Variants in PACRG observed in about 807,000 individuals in gnomAD.
PACRG encodes parkin coregulated, also known as parkin coregulated gene protein.
PACRG carries 29 observed loss-of-function variants against 29.7 expected under a neutral mutation model. The ratio of observed to expected loss-of-function variants is 0.98; its 90% CI spans 0.73 to 1.33. The LOEUF (loss-of-function observed/expected upper bound fraction) is 1.33. PACRG is among the 40% of genes most tolerant of loss of function. PACRG has a pLI of 0.00. For missense variants in PACRG, 279 were observed against 316.2 expected (o/e 0.88, Z 0.89); for synonymous variants, 116 against 118.7 (o/e 0.98, Z 0.15).
At position 162,851,985 on chromosome 6, in the gene PACRG, A is replaced by AAGGG. The variant is rs138868271; in HGVS notation, c.291+37724_291+37727dup. Among the ~76,000 whole-genome samples the AAGGG allele has an allele frequency of 9.6e-5, 11 of 114,022 alleles. No individual in the cohort carries two copies. The East Asian group carries it at 1.0e-3, about 10-fold the overall frequency. 74.8% of individuals were successfully genotyped at this position (114,022 alleles called of 152,430 possible). On this transcript the variant is annotated intron_variant, in intron 2 of 4. Transcript: ENST00000366888. ...GGAAGGAAGGGAAAAGAGAAAAGAAAAGGGAGGGAGGGAGGGAGGGAGGAA... is the reference window on the plus strand; with the variant it reads ...GGAAGGAAGGGAAAAGAGAAAAGAAAAGGGAGGGAGGGAGGGAGGGAGGGAGGAA...
intron 3 of PACRG, among the ~76,000 whole-genome samples, chr6:163,079,985 C>T (rs567615711): frequency 6.8e-6 from 1 of 148,052 alleles, no homozygotes; most frequent in South Asian, 2.2e-4. Flanking sequence ...GCAACCTCTG[C>T]CTCCCGGGTG....
intron 2 of PACRG, among the ~76,000 whole-genome samples, chr6:162,960,415 C>G (rs1397936839): frequency 6.6e-6 from 1 of 152,218 alleles, no homozygotes; most frequent in Admixed American, 6.5e-5. Flanking sequence ...CCACGGAATA[C>G]TACACAGCCT....
chr6:162,838,698 G>T (rs925775198), intron 2 of PACRG, among the ~76,000 whole-genome samples: 2 of 150,930 alleles, frequency 1.3e-5, no homozygotes, highest in African/African-American at 4.9e-5. Context: ...CCCACTAACT[G>T]GTCATCTAGC....
At chr6:162,797,269 A>G (rs1303663820) in intron 1 of PACRG, among the ~76,000 whole-genome samples, 1 of 152,210 alleles carries the variant, frequency 6.6e-6, no homozygotes, top group African/African-American at 2.4e-5. Context: ...CTCCATCTCA[A>G]AAACCAAACC....
intron 2 of PACRG, among the ~76,000 whole-genome samples, chr6:162,969,064 A>AAAAAAAAAAAT (rs1488687211): frequency 6.6e-6 from 1 of 151,376 alleles, no homozygotes; most frequent in African/African-American, 2.4e-5. Flanking sequence ...AAAAAAAAAA[A>AAAAAAAAAAAT]AAGTAACAGA....
chr6:163,092,975 C>T (rs1237851845), intron 4 of PACRG, among the ~76,000 whole-genome samples: 10 of 152,168 alleles, frequency 6.6e-5, no homozygotes, highest in Admixed American at 1.3e-4. Context: ...TGTGGCCTCC[C>T]GGTCTCACCA....
At chr6:162,892,664 C>T (rs1794851448) in intron 2 of PACRG, among the ~76,000 whole-genome samples, 2 of 152,136 alleles carry the variant, frequency 1.3e-5, no homozygotes, top group South Asian at 2.1e-4. Flanking sequence ...CTGAGAGCTC[C>T]GCCCCCTGAC....
At chr6:162,779,723 A>G (rs1783943619) in intron 1 of PACRG, among the ~76,000 whole-genome samples, 1 of 152,242 alleles carries the variant, frequency 6.6e-6, no homozygotes, top group Admixed American at 6.5e-5. Context: ...TGTCAATTCA[A>G]TAATGAATAC....
intron 2 of PACRG, among the ~76,000 whole-genome samples, chr6:162,830,530 C>T (rs1421439982): frequency 6.6e-6 from 1 of 152,226 alleles, no homozygotes; most frequent in Non-Finnish European, 1.5e-5. Context: ...TCCCCCTCTC[C>T]CCAGGGACAC....
chr6:163,164,550 A>G (rs187836495), intron 4 of PACRG, among the ~76,000 whole-genome samples: 16 of 152,354 alleles, frequency 1.1e-4, no homozygotes, highest in Admixed American at 8.5e-4. Flanking sequence ...GAAGCTGCAT[A>G]GGAGAGAGAG....
chr6:162,846,890 C>T (rs867463201), intron 2 of PACRG, among the ~76,000 whole-genome samples: 7 of 142,154 alleles, frequency 4.9e-5, no homozygotes, highest in African/African-American at 1.8e-4. Context: ...CCACACTGAC[C>T]ACTGTGCTCC....
chr6:162,977,971 C>T (rs1802093727), intron 2 of PACRG, among the ~76,000 whole-genome samples: 1 of 150,632 alleles, frequency 6.6e-6, no homozygotes, highest in African/African-American at 2.5e-5. Context: ...TGGGGAAACC[C>T]CATCTCTACT....
At chr6:162,852,426 G>A (rs994133003) in intron 2 of PACRG, among the ~76,000 whole-genome samples, 8 of 152,338 alleles carry the variant, frequency 5.3e-5, no homozygotes, top group African/African-American at 1.7e-4. Context: ...AGGCTAAGAC[G>A]CGCTTCTGTG....
upstream of PACRG, chr6:162,727,774 TCCCCGC>T (rs939345880): frequency 2.5e-6 from 3 of 1,207,344 alleles, no homozygotes; most frequent in African/African-American, 3.0e-5. Context: ...CCTCCAGGCC[TCCCCGC>T]CCCCGCGCCC....
intron 4 of PACRG, among the ~76,000 whole-genome samples, chr6:163,248,035 G>A (rs961447753): frequency 4.6e-5 from 7 of 151,408 alleles, no homozygotes; most frequent in African/African-American, 1.5e-4. Flanking sequence ...CCAAAGACTC[G>A]TTTTCCTATG....
Position 162,934,483 on chromosome 6 carries a change from G to A in PACRG, c.291+120202G>A, listed in dbSNP as rs958145422. Among the ~76,000 whole-genome samples, 3 of 152,040 alleles carry A rather than the reference G, an allele frequency of 2.0e-5. No homozygotes were observed. In the South Asian group the frequency reaches 6.2e-4, roughly 32 times the overall value. ...TCTCTTTCAGAAAGTCTGTTTCCTT[G>A]TAGGTGAAATTTCTTTTCAGCAGGA... On this transcript the variant is annotated intron_variant, in intron 2 of 4. Coordinates refer to ENST00000366888, the MANE Select transcript of PACRG (RefSeq NM_001080379.2).
intron 2 of PACRG, among the ~76,000 whole-genome samples, chr6:162,971,964 C>A (rs941079969): frequency 1.3e-5 from 2 of 152,174 alleles, no homozygotes; most frequent in Non-Finnish European, 2.9e-5. Context: ...GCAGTTTTCT[C>A]AGGAGACACC....
chr6:163,013,772 G>T (rs1039912406), intron 2 of PACRG, among the ~76,000 whole-genome samples: 1 of 151,954 alleles, frequency 6.6e-6, no homozygotes, highest in East Asian at 1.9e-4. Flanking sequence ...TTAAATAATT[G>T]CTGATAAAAT....
chr6:163,260,630 T>TC (rs1186490185), intron 4 of PACRG, among the ~76,000 whole-genome samples: 2 of 152,186 alleles, frequency 1.3e-5, no homozygotes, highest in Non-Finnish European at 2.9e-5. Flanking sequence ...CCTGTGGTCT[T>TC]CCCTGGGTAG....
Sources: gnomAD v4.1 joint callset for allele counts (sites outside exome capture counted in the v4.1 genomes callset) on GRCh38, gnomAD v4.1.1 for gene constraint, MANE v1.5 for transcripts, NCBI Gene and HGNC (gene_info 2026-07-23, HGNC 2026-07-21) for gene names.